Variants in CD99 observed in about 807,000 individuals in gnomAD.
The protein encoded by CD99 is CD99 antigen.
A neutral mutation model predicts 28.4 loss-of-function variants in CD99; 19 were observed. The ratio of observed to expected loss-of-function variants is 0.67; its 90% CI spans 0.47 to 0.98. The LOEUF is 0.98. CD99 is among the 50% of genes least tolerant of loss of function. The pLI, the probability that CD99 is intolerant of heterozygous loss-of-function variation, is 0.00. For synonymous variants in CD99, 103 were observed against 92.1 expected, an observed-to-expected ratio of 1.12 and a Z score of -0.67; for missense variants, 283 against 248.8, an observed-to-expected ratio of 1.14 and a Z score of -0.92.
chrX:2,732,562 C>CCT (rs201358537), intron 8 of CD99, among the ~76,000 whole-genome samples: 31,752 of 137,466 alleles, frequency 0.23, 3,685 homozygotes, highest in South Asian at 0.47. Flanking sequence ...CTCAGTTCTC[C>CCT]CTCTCTCTCT....
chrX:2,713,378 CA>C (rs1383828846), intron 1 of CD99, among the ~76,000 whole-genome samples: 2 of 142,326 alleles, frequency 1.4e-5, no homozygotes, highest in Non-Finnish European at 3.0e-5. Context: ...CACGCCTACA[CA>C]TATGCACATA....
chrX:2,731,550 C>G (rs775350366), intron 8 of CD99, among the ~76,000 whole-genome samples: 1 of 152,264 alleles, frequency 6.6e-6, no homozygotes, highest in African/African-American at 2.4e-5. Flanking sequence ...GATCGAGCCA[C>G]TGCACTCCAG....
rs3047482 is a variant in CD99, at chrX:2,706,063, G to GAAA, written c.68-8348_68-8346dup. On this transcript the variant is annotated intron_variant, in intron 1 of 9. Coordinates refer to ENST00000381192, the MANE Select transcript of CD99 (RefSeq NM_002414.5). ...CACTCGACCTCCAAAACGTTAAAAA[G>GAAA]AAAAAAAAAAAAAGAGCCGGGCGCG... Among the ~76,000 whole-genome samples, 224 of 142,920 alleles carry GAAA rather than the reference G, an allele frequency of 1.6e-3. 5 individuals are homozygous for GAAA. Among genetic ancestry groups the GAAA allele is most frequent in the Middle Eastern group, 3.6e-3 (1 of 276 alleles). 93.8% of individuals were successfully genotyped at this position (142,920 alleles called of 152,430 possible).
Position 2,701,438 on chromosome X carries a change from G to A in CD99, c.67+10011G>A, listed in dbSNP as rs1462761038. ...TCAATTTGGGCATAAAAGCACCATTGTGGATGGAAGGCCTGGATGTCTGGA... is the reference window on the plus strand; with the variant it reads ...TCAATTTGGGCATAAAAGCACCATTATGGATGGAAGGCCTGGATGTCTGGA... On this transcript the variant is annotated intron_variant, in intron 1 of 9. Transcript: ENST00000381192. 4.6e-5 allele frequency among the ~76,000 whole-genome samples: 7 copies of A among 152,144 alleles called. No individual in the cohort carries two copies. The South Asian group carries it at 1.4e-3, about 31-fold the overall frequency.
At position 2,741,054 on chromosome X, in the gene CD99, C is replaced by T. The variant is rs1251378497; in HGVS notation, c.*250C>T. ...TCCAAGGCCCGGGGGGGCGGTTTCC[C>T]ATGGGATGTGAAAGGCTGGCCATTA... On this transcript the variant is annotated 3_prime_UTR_variant, in exon 10 of 10. Coordinates refer to ENST00000381192, the MANE Select transcript of CD99 (RefSeq NM_002414.5). 9 of 559,096 alleles carry T rather than the reference C, an allele frequency of 1.6e-5. No individual in the cohort carries two copies. The highest frequency in any genetic ancestry group is 2.6e-5 in the Non-Finnish European group (8 of 312,356). 34.6% of individuals were successfully genotyped at this position (559,096 alleles called of 1,614,324 possible).
At chrX:2,734,270 A>G (rs1487600342) in intron 8 of CD99, among the ~76,000 whole-genome samples, 1 of 126,380 alleles carries the variant, frequency 7.9e-6, no homozygotes, top group African/African-American at 3.0e-5. Context: ...CTTATTTGTT[A>G]TATGTTATTT....
At chrX:2,725,747 G>A (rs2049246468) in intron 7 of CD99, among the ~76,000 whole-genome samples, 1 of 152,110 alleles carries the variant, frequency 6.6e-6, no homozygotes, top group African/African-American at 2.4e-5. Context: ...CTGAGTAGCT[G>A]GGATTAAAGG....
At chrX:2,700,797 T>C (rs5939303) in intron 1 of CD99, among the ~76,000 whole-genome samples, 9,883 of 150,796 alleles carry the variant, frequency 0.066, 524 homozygotes, top group African/African-American at 0.15. Context: ...ATCCATCCAT[T>C]TATCCGTTCA....
intron 8 of CD99, among the ~76,000 whole-genome samples, chrX:2,731,257 T>C (rs1376768738): frequency 6.6e-6 from 1 of 152,170 alleles, no homozygotes; most frequent in Non-Finnish European, 1.5e-5. Context: ...GCTTGGAGAT[T>C]TCATAAGAAG....
intron 2 of CD99, 170 bp from the exon 3 acceptor site, chrX:2,717,435 C>A: frequency 1.6e-6 from 1 of 620,392 alleles, no homozygotes; most frequent in Non-Finnish European, 2.9e-6. Flanking sequence ...GTCTTCTGGG[C>A]TCAAGAGTCG....
intron 3 of CD99, among the ~76,000 whole-genome samples, chrX:2,718,591 G>A (rs894601531): frequency 1.3e-5 from 2 of 151,534 alleles, no homozygotes; most frequent in Admixed American, 6.6e-5. Flanking sequence ...GGATGGTCTC[G>A]ATCTCCTGAC....
At chrX:2,726,210 C>G (rs1216014497) in intron 7 of CD99, 50 bp from the exon 8 acceptor site, 2 of 1,165,222 alleles carry the variant, frequency 1.7e-6, no homozygotes, top group Non-Finnish European at 2.6e-6. Context: ...CTGGGATCTT[C>G]TCTGCACCGT....
At chrX:2,696,920 C>CG (rs2047603175) in intron 1 of CD99, among the ~76,000 whole-genome samples, 1 of 152,100 alleles carries the variant, frequency 6.6e-6, no homozygotes, top group African/African-American at 2.4e-5. Flanking sequence ...CTTGTACGGT[C>CG]TCCTAGTCAT....
intron 1 of CD99, among the ~76,000 whole-genome samples, chrX:2,703,712 G>A (rs533537615): frequency 3.3e-5 from 5 of 151,808 alleles, no homozygotes; most frequent in South Asian, 4.2e-4. Flanking sequence ...AGTTGGGACC[G>A]GCGGAGGGGT....
rs759710335 is a variant in CD99 at position 2,726,421 on chromosome X, A to T, written c.475+48A>T. 2.5e-6 allele frequency: 3 copies of T among 1,205,764 alleles called. No individual in the cohort carries two copies. In the Admixed American group the frequency reaches 5.1e-5, roughly 20 times the overall value. 74.7% of individuals were successfully genotyped at this position (1,205,764 alleles called of 1,614,324 possible). On this transcript the variant is annotated intron_variant, in intron 8 of 9. Transcript: ENST00000381192. ...CTCTCCTTCATGCCTTGCTGATTGG[A>T]AAACTGTGCTTTCTTTAAAAGGCAG...
intron 1 of CD99, among the ~76,000 whole-genome samples, chrX:2,693,070 C>T (rs933013353): frequency 6.6e-6 from 1 of 151,926 alleles, no homozygotes; most frequent in Non-Finnish European, 1.5e-5. Flanking sequence ...GTCATTGGAG[C>T]AGAGTGAGTG....
chrX:2,723,333 T>C lies in CD99; in HGVS notation c.330T>C (p.Gly110=), dbSNP rs1459410459. The change falls in exon 7 of 10, where the codon GGT becomes GGC. Residue 110 remains glycine (G), a synonymous_variant. Transcript: ENST00000381192. The part of the protein sequence containing the change: ...SGGEGKGGSD[G]GGSHRKEGEE... ...TTGCAGGAAAAGGAGGCAGTGATGG[T>C]GGAGGCAGCCACAGGAAAGAAGGGG... The C allele has an allele frequency of 6.2e-7, 1 of 1,613,900 alleles. No individual in the cohort carries two copies. The highest frequency in any genetic ancestry group is 2.2e-5 in the East Asian group (1 of 44,864).
chrX:2,699,301 C>G (rs185916148), intron 1 of CD99, among the ~76,000 whole-genome samples: 1 of 151,520 alleles, frequency 6.6e-6, no homozygotes, highest in Admixed American at 6.6e-5. Context: ...TCCTGAGTAG[C>G]TGGAACTACA....
chrX:2,710,867 CTTTTTTT>C (rs541519754), intron 1 of CD99, among the ~76,000 whole-genome samples: 1 of 99,596 alleles, frequency 1.0e-5, no homozygotes, highest in African/African-American at 4.0e-5. Context: ...GTAGAGATGA[CTTTTTTT>C]TTTTTTTTTT....
Sources: gnomAD v4.1 joint callset for allele counts (sites outside exome capture counted in the v4.1 genomes callset) on GRCh38, gnomAD v4.1.1 for gene constraint, MANE v1.5 for transcripts, NCBI Gene and HGNC (gene_info 2026-07-23, HGNC 2026-07-21) for gene names.